The following RIMS2 variants were observed in gnomAD, a reference collection of about 807,000 sequenced individuals.
RIMS2 encodes regulating synaptic membrane exocytosis protein 2.
RIMS2 carries 59 observed loss-of-function variants against 174.4 expected under a neutral mutation model. The observed-to-expected ratio is 0.34, with a 90% CI of 0.27 to 0.42. The LOEUF (loss-of-function observed/expected upper bound fraction) is 0.42, where lower values mean the gene tolerates loss of function less well. Ranked by LOEUF, RIMS2 falls within the 10% of genes least tolerant of loss-of-function variation. The pLI is 1.00. For missense variants in RIMS2, 1,620 were observed against 1,666.3 expected (o/e 0.97, Z 0.48); for synonymous variants, 606 against 572.5 (o/e 1.06, Z -0.84).
At chr8:104,013,122 T>C (rs1565843305) in intron 17 of RIMS2, among the ~76,000 whole-genome samples, 1 of 152,314 alleles carries the variant, frequency 6.6e-6, no homozygotes, top group Non-Finnish European at 1.5e-5. Flanking sequence ...TGAATTCTTT[T>C]AAAATAGAAT....
chr8:103,740,012 C>A (rs546644667), intron 2 of RIMS2, among the ~76,000 whole-genome samples: 2 of 152,174 alleles, frequency 1.3e-5, no homozygotes, highest in African/African-American at 2.4e-5. Flanking sequence ...TAAATATGAA[C>A]CTTGTCCCAG....
chr8:103,747,437 A>C (rs578183067), intron 2 of RIMS2, among the ~76,000 whole-genome samples: 3 of 152,162 alleles, frequency 2.0e-5, no homozygotes, highest in Admixed American at 1.3e-4. Flanking sequence ...TGACCAAAAA[A>C]AAAATATGAC....
chr8:104,173,796 T>G (rs2098847542), intron 19 of RIMS2, among the ~76,000 whole-genome samples: 1 of 150,884 alleles, frequency 6.6e-6, no homozygotes, highest in African/African-American at 2.4e-5. Flanking sequence ...GCCTGGCTAA[T>G]TTTTTGTATT....
At chr8:103,505,224 T>C (rs1366385926) in intron 1 of RIMS2, among the ~76,000 whole-genome samples, 2 of 152,158 alleles carry the variant, frequency 1.3e-5, no homozygotes, top group Non-Finnish European at 2.9e-5. Flanking sequence ...TATTGTATAC[T>C]CTTCTAGAGA....
At chr8:103,581,420 G>A (rs1291877209) in intron 1 of RIMS2, among the ~76,000 whole-genome samples, 2 of 152,112 alleles carry the variant, frequency 1.3e-5, no homozygotes, top group African/African-American at 2.4e-5. Context: ...AATGAAATTT[G>A]ACATCCTTTT....
At chr8:103,951,626 GTGCCCA>G (rs2085395660) in intron 14 of RIMS2, among the ~76,000 whole-genome samples, 1 of 152,220 alleles carries the variant, frequency 6.6e-6, no homozygotes, top group Non-Finnish European at 1.5e-5. Flanking sequence ...ATTCACTGCA[GTGCCCA>G]TGCTACCAGG....
At chr8:103,859,652 T>C (rs577751928) in intron 3 of RIMS2, among the ~76,000 whole-genome samples, 1 of 152,082 alleles carries the variant, frequency 6.6e-6, no homozygotes, top group Admixed American at 6.6e-5. Context: ...GTATTCATGA[T>C]TGGCAAGGTT....
intron 19 of RIMS2, among the ~76,000 whole-genome samples, chr8:104,128,516 G>C (rs370944236): frequency 2.0e-5 from 3 of 152,208 alleles, no homozygotes; most frequent in African/African-American, 7.2e-5. Flanking sequence ...GACCAACATG[G>C]AGAAACACCC....
At chr8:103,667,398 T>C (rs1345396565) in intron 1 of RIMS2, among the ~76,000 whole-genome samples, 1 of 152,190 alleles carries the variant, frequency 6.6e-6, no homozygotes, top group African/African-American at 2.4e-5. Context: ...CCTCATTTAC[T>C]CCAAACTGTG....
intron 19 of RIMS2, among the ~76,000 whole-genome samples, chr8:104,088,543 C>A (rs2097577125): frequency 6.6e-6 from 1 of 151,960 alleles, no homozygotes; most frequent in Non-Finnish European, 1.5e-5. Context: ...TGTTTTTCTT[C>A]AAAATTGGGC....
In RIMS2 at chr8:103,979,524, C is replaced by G. The variant is rs193008094; in HGVS notation, c.2927+4018C>G. On this transcript the variant is annotated intron_variant, in intron 16 of 23. Transcript: ENST00000504942. ...TGTCAAAAAGATACCTGTGAGGGGA[C>G]AAAGCAAGATGGGGAATACGTGCAC... 4.6e-4 allele frequency among the ~76,000 whole-genome samples: 70 copies of G among 152,218 alleles called. 1 individual carries two copies. In the Middle Eastern group the frequency reaches 0.017, roughly 37 times the overall value.
chr8:103,600,140 A>G (rs1363601746), intron 1 of RIMS2, among the ~76,000 whole-genome samples: 1 of 152,198 alleles, frequency 6.6e-6, no homozygotes, highest in Non-Finnish European at 1.5e-5. Flanking sequence ...ATGAGTGAGA[A>G]CATACAATGT....
intron 3 of RIMS2, among the ~76,000 whole-genome samples, chr8:103,781,370 G>T (rs1418754461): frequency 6.6e-6 from 1 of 152,086 alleles, no homozygotes; most frequent in African/African-American, 2.4e-5. Flanking sequence ...CTGTATATTT[G>T]TTTTCCATTT....
intron 1 of RIMS2, chr8:103,568,979 A>G (rs1034823472): frequency 6.9e-6 from 4 of 577,134 alleles, no homozygotes; most frequent in Admixed American, 2.6e-5. Flanking sequence ...TGAGCTGATC[A>G]CCGTGTTCCT....
intron 1 of RIMS2, among the ~76,000 whole-genome samples, chr8:103,522,694 C>CCCTA (rs1386291361): frequency 6.6e-6 from 1 of 152,034 alleles, no homozygotes; most frequent in Non-Finnish European, 1.5e-5. Flanking sequence ...AAAGAGTAAT[C>CCCTA]GATTATTTAT....
intron 19 of RIMS2, among the ~76,000 whole-genome samples, chr8:104,081,938 T>G (rs2097427950): frequency 6.6e-6 from 1 of 152,116 alleles, no homozygotes; most frequent in African/African-American, 2.4e-5. Flanking sequence ...TATATGAGTC[T>G]TCTTTCCTTC....
intron 20 of RIMS2, among the ~76,000 whole-genome samples, chr8:104,245,805 T>C (rs2099327852): frequency 6.6e-6 from 1 of 152,242 alleles, no homozygotes; most frequent in Non-Finnish European, 1.5e-5. Context: ...CCGTAGGAGC[T>C]GTTGGCACAG....
At chr8:103,920,151 A>T (rs2077331854) in intron 9 of RIMS2, among the ~76,000 whole-genome samples, 1 of 152,110 alleles carries the variant, frequency 6.6e-6, no homozygotes, top group African/African-American at 2.4e-5. Flanking sequence ...CTCAGATTAG[A>T]TCCAATCTTT....
intron 19 of RIMS2, among the ~76,000 whole-genome samples, chr8:104,154,496 G>C (rs910972015): frequency 7.2e-5 from 11 of 152,206 alleles, no homozygotes; most frequent in Admixed American, 2.0e-4. Context: ...CATGCGACTA[G>C]TGATTACTGG....
Sources: allele counts gnomAD v4.1 joint callset (sites outside exome capture counted in the v4.1 genomes callset), GRCh38; gene constraint gnomAD v4.1.1; transcripts MANE v1.5; gene names NCBI Gene and HGNC (gene_info 2026-07-23, HGNC 2026-07-21).